PRSS41: variants seen among roughly 807,000 people sequenced by gnomAD.
The protein encoded by PRSS41 is protease, serine 41.
In PRSS41, 37 loss-of-function variants were observed where a neutral mutation model predicts 28.8. The observed-to-expected ratio is 1.29, with a 90% CI of 0.99 to 1.69. The LOEUF (loss-of-function observed/expected upper bound fraction) is 1.69, where lower values mean the gene tolerates loss of function less well. Ranked by LOEUF, PRSS41 falls within the 40% of genes most tolerant of loss-of-function variation. PRSS41 has a pLI of 0.00. For synonymous variants in PRSS41, 195 were observed against 163.1 expected (o/e 1.20, Z -1.49); for missense variants, 431 against 400.7 (o/e 1.08, Z -0.65).
Position 2,798,497 on chromosome 16 carries a change from G to T in PRSS41, c.13G>T (p.Gly5Trp), listed in dbSNP as rs766179194. ...GGGAGAGGAGGCCATGGGCGCGCGC[G>T]GGGCGCTGCTGCTGGCGCTGCTGCT... The change falls in exon 1 of 6, where the codon GGG becomes TGG. Residue 5 changes from glycine (G) to tryptophan (W), a missense_variant. By Grantham distance (184) the Gly-to-Trp change is radical. Transcript: ENST00000399677. 6 of 1,519,204 alleles carry T rather than the reference G, an allele frequency of 3.9e-6. No individual in the cohort carries two copies. In the African/African-American group the frequency reaches 7.1e-5, roughly 18 times the overall value. 94.1% of individuals were successfully genotyped at this position (1,519,204 alleles called of 1,614,324 possible).
At chr16:2,799,015 C>T in exon 3 of PRSS41, 14 of 1,532,528 alleles carry the variant, frequency 9.1e-6, no homozygotes, top group Non-Finnish European at 1.2e-5. Context: ...GGAGTCCGCG[C>T]GCGGGCGCTG....
intron 3 of PRSS41, 54 bp downstream of exon 3, chr16:2,799,178 G>A: frequency 6.6e-7 from 1 of 1,505,566 alleles, no homozygotes. Context: ...TCCAGGATGA[G>A]CAAACAGTAG....
In PRSS41 at chr16:2,799,580, G is replaced by A. The variant is rs2068973345; in HGVS notation, c.541+11G>A. ...TCAGCCCCAGTGGCAGTGAGGCTGG[G>A]GATAGACCGGGTGGGGTGATGGGGG... On this transcript the variant is annotated intron_variant, in intron 4 of 5. Transcript: ENST00000399677. The A allele has an allele frequency of 6.4e-7, 1 of 1,550,516 alleles. No homozygotes were observed. The highest frequency in any genetic ancestry group is 2.4e-5 in the East Asian group (1 of 40,914).
chr16:2,801,251 G>C (rs1028311560), intron 4 of PRSS41, among the ~76,000 whole-genome samples: 7 of 151,938 alleles, frequency 4.6e-5, no homozygotes, highest in Admixed American at 4.6e-4. Flanking sequence ...GCGATCTGTT[G>C]TTAGGTATGA....
chr16:2,804,570 G>A (rs750315687), intron 5 of PRSS41, 24 bp downstream of exon 5: 11 of 1,548,538 alleles, frequency 7.1e-6, no homozygotes, highest in Non-Finnish European at 2.6e-6. Context: ...CCCCACCAGG[G>A]AATCCCACCC....
At chr16:2,804,669 A>G in intron 5 of PRSS41, 123 bp downstream of exon 5, 1 of 1,021,302 alleles carries the variant, frequency 9.8e-7, no homozygotes, top group South Asian at 1.6e-5. Context: ...AAACCAGTGC[A>G]GTCTCAGTTA....
chr16:2,802,220 G>A (rs1217940565), intron 4 of PRSS41, among the ~76,000 whole-genome samples: 1 of 151,596 alleles, frequency 6.6e-6, no homozygotes, highest in Admixed American at 6.6e-5. Context: ...CGGCCGGGCA[G>A]AGGCGCTCCT....
At chr16:2,802,576 C>T (rs2150799802) in intron 4 of PRSS41, among the ~76,000 whole-genome samples, 1 of 152,358 alleles carries the variant, frequency 6.6e-6, no homozygotes, top group African/African-American at 2.4e-5. Flanking sequence ...CGCCACTGCA[C>T]TCCAGCCTGG....
At position 2,798,556 on chromosome 16, in the gene PRSS41, C is replaced by G. The variant is rs1384890833; in HGVS notation, c.64+8C>G. ...CTGGACTCGGGAAGCCGGGTGAGCT[C>G]GGGGCGCTACAGGCGGGACCGGGGG... On this transcript the variant is annotated splice_region_variant and intron_variant, in intron 1 of 5. Coordinates refer to ENST00000399677, the Ensembl canonical transcript of PRSS41. 1 of 1,533,232 alleles carries G rather than the reference C, an allele frequency of 6.5e-7. No individual in the cohort carries two copies. Among genetic ancestry groups the G allele is most frequent in the South Asian group, 1.2e-5 (1 of 82,760 alleles). 95.0% of individuals were successfully genotyped at this position (1,533,232 alleles called of 1,614,324 possible). A position where few individuals can be genotyped will look rare whatever the true frequency, so the allele number is the denominator to read the frequency against.
intron 4 of PRSS41, among the ~76,000 whole-genome samples, chr16:2,800,980 C>T (rs2068981990): frequency 6.6e-6 from 1 of 152,104 alleles, no homozygotes; most frequent in Non-Finnish European, 1.5e-5. Flanking sequence ...TAGATTCTTT[C>T]ATATAACATA....
intron 4 of PRSS41, among the ~76,000 whole-genome samples, chr16:2,803,017 CTG>C (rs1567268201): frequency 6.6e-6 from 1 of 152,172 alleles, no homozygotes; most frequent in Non-Finnish European, 1.5e-5. Flanking sequence ...CACTTTCAGC[CTG>C]TGTGTTTCAC....
chr16:2,799,229 G>A, intron 3 of PRSS41, 57 bp from the exon 4 acceptor site: 2 of 1,533,218 alleles, frequency 1.3e-6, no homozygotes, highest in Admixed American at 4.0e-5. Context: ...CCTCCAGCGT[G>A]CTCAGGCGGC....
At chr16:2,805,149 G>A in exon 6 of PRSS41, 2 of 1,539,684 alleles carry the variant, frequency 1.3e-6, no homozygotes, top group Non-Finnish European at 1.8e-6. Context: ...CAGCCATTCT[G>A]AGTGCACCAG....
chr16:2,801,387 G>C (rs1210437741), intron 4 of PRSS41, among the ~76,000 whole-genome samples: 1 of 148,862 alleles, frequency 6.7e-6, no homozygotes, highest in Non-Finnish European at 1.5e-5. Context: ...GTTTCTCACA[G>C]AGGGGGATTT....
At chr16:2,804,976 G>A (rs866070640) in exon 6 of PRSS41, 1 of 1,587,374 alleles carries the variant, frequency 6.3e-7, no homozygotes, top group African/African-American at 1.3e-5. Context: ...TTGGAATCGT[G>A]AGCTGGGGAA....
At chr16:2,804,304 CT>C (rs2150800590) in intron 4 of PRSS41, 84 bp from the exon 5 acceptor site, 1 of 1,462,314 alleles carries the variant, frequency 6.8e-7, no homozygotes, top group Non-Finnish European at 9.2e-7. Flanking sequence ...CTCCCCACCC[CT>C]ATAACACATG....
At position 2,798,861 on chromosome 16, in the gene PRSS41, G is replaced by GC. The variant is rs1041171704; in HGVS notation, c.92-92dup. ...TTCTTGGCGCGCGGTTCCCCGGGGA[G>GC]CCCCCCGCTGCGCGCACCCCGGGGC... is the stretch of plus-strand genomic sequence containing the variant. On this transcript the variant is annotated intron_variant, in intron 2 of 5. Coordinates refer to ENST00000399677, the Ensembl canonical transcript of PRSS41. 1.3e-5 allele frequency: 17 copies of GC among 1,352,890 alleles called. No individual in the cohort carries two copies. In the African/African-American group the frequency reaches 1.7e-4, roughly 14 times the overall value. The allele number at this position is 1,352,890 out of a possible 1,614,324, so 83.8% of individuals were successfully genotyped here. A position where few individuals can be genotyped will look rare whatever the true frequency, so the allele number is the denominator to read the frequency against.
intron 2 of PRSS41, 101 bp from the exon 3 acceptor site, chr16:2,798,858 G>T (rs1197000153): frequency 1.5e-6 from 2 of 1,346,080 alleles, no homozygotes; most frequent in Non-Finnish European, 1.9e-6. Context: ...GGTTCCCCGG[G>T]GAGCCCCCCG....
In PRSS41 at chr16:2,798,631, T is replaced by G. The variant is rs1231809666; in HGVS notation, c.65-5T>G. Reference sequence around the variant, plus strand: ...GCCGCGAGGGTCACTTCTTGTGTCCTGCAGAGTCGCAGGAGGAGGAGCTGT... The same window carrying G: ...GCCGCGAGGGTCACTTCTTGTGTCCGGCAGAGTCGCAGGAGGAGGAGCTGT... On this transcript the variant is annotated splice_polypyrimidine_tract_variant and splice_region_variant and intron_variant, in intron 1 of 5. Transcript: ENST00000399677. 1 of 1,506,394 alleles carries G rather than the reference T, an allele frequency of 6.6e-7. No individual in the cohort carries two copies. Among genetic ancestry groups the G allele is most frequent in the Non-Finnish European group, 8.8e-7 (1 of 1,131,046 alleles). The allele number at this position is 1,506,394 out of a possible 1,614,324, so 93.3% of individuals were successfully genotyped here.
Sources: allele counts gnomAD v4.1 joint callset (sites outside exome capture counted in the v4.1 genomes callset), GRCh38; gene constraint gnomAD v4.1.1; transcripts MANE v1.5; gene names NCBI Gene and HGNC (gene_info 2026-07-23, HGNC 2026-07-21).